CDH18: variants seen among roughly 807,000 people sequenced by gnomAD.
The protein encoded by CDH18 is cadherin 18.
A neutral mutation model predicts 67.9 loss-of-function variants in CDH18; 31 were observed. The observed-to-expected ratio is 0.46, with a 90% confidence interval of 0.34 to 0.62. The LOEUF (loss-of-function observed/expected upper bound fraction) is 0.62, where lower values mean the gene tolerates loss of function less well. Among genes scored for constraint, CDH18 ranks in the 20% least tolerant of loss-of-function variants. The pLI is 0.01. For synonymous variants in CDH18, 362 were observed against 347.2 expected (o/e 1.04, Z -0.48); for missense variants, 890 against 975.5 (o/e 0.91, Z 1.17).
At chr5:19,919,274 CTTA>C (rs1792175679) in intron 2 of CDH18, among the ~76,000 whole-genome samples, 1 of 151,170 alleles carries the variant, frequency 6.6e-6, no homozygotes, top group Non-Finnish European at 1.5e-5. Flanking sequence ...TATTATAATC[CTTA>C]TTATATGTAT....
At chr5:19,907,960 T>C (rs1790703473) in intron 2 of CDH18, among the ~76,000 whole-genome samples, 2 of 152,042 alleles carry the variant, frequency 1.3e-5, no homozygotes. Context: ...TTAAAATCCT[T>C]AAATGGGGAT....
intron 1 of CDH18, among the ~76,000 whole-genome samples, chr5:20,463,303 A>G (rs890681015): frequency 1.4e-5 from 2 of 140,724 alleles, no homozygotes; most frequent in African/African-American, 5.3e-5. Flanking sequence ...GTAAAACAAG[A>G]AAAAAAAAAA....
At chr5:20,457,800 G>C (rs1199207022) in intron 1 of CDH18, among the ~76,000 whole-genome samples, 1 of 152,154 alleles carries the variant, frequency 6.6e-6, no homozygotes, top group East Asian at 1.9e-4. Flanking sequence ...AAAAAAACTG[G>C]AGGGGGAAGC....
chr5:20,531,655 G>A (rs1440274588), intron 1 of CDH18, among the ~76,000 whole-genome samples: 2 of 151,312 alleles, frequency 1.3e-5, no homozygotes, highest in South Asian at 2.1e-4. Flanking sequence ...ACCAAACACA[G>A]CATGTTCTCA....
At chr5:19,587,088 C>CA (rs1744279480) in intron 7 of CDH18, among the ~76,000 whole-genome samples, 1 of 151,584 alleles carries the variant, frequency 6.6e-6, no homozygotes, top group South Asian at 2.1e-4. Context: ...ATTTAAGATA[C>CA]TTATAGATGC....
chr5:20,111,378 C>A (rs935895663), intron 2 of CDH18, among the ~76,000 whole-genome samples: 1 of 151,970 alleles, frequency 6.6e-6, no homozygotes. Flanking sequence ...AGATGTTTAC[C>A]AGTCTAGTTT....
intron 5 of CDH18, among the ~76,000 whole-genome samples, chr5:19,668,998 TACTTCA>T (rs1758344010): frequency 1.3e-5 from 2 of 151,006 alleles, no homozygotes; most frequent in Non-Finnish European, 3.0e-5. Flanking sequence ...CTTTCCATGA[TACTTCA>T]ACTTCAACAC....
chr5:20,265,665 TA>T (rs987959318), intron 1 of CDH18, among the ~76,000 whole-genome samples: 3 of 152,126 alleles, frequency 2.0e-5, no homozygotes, highest in African/African-American at 4.8e-5. Flanking sequence ...AAAATTAAAA[TA>T]AAAAATATAA....
intron 1 of CDH18, among the ~76,000 whole-genome samples, chr5:20,360,489 C>T (rs1742004355): frequency 1.3e-5 from 2 of 152,136 alleles, no homozygotes; most frequent in Admixed American, 1.3e-4. Flanking sequence ...TTCCTACTTA[C>T]AATTTGGTTG....
chr5:20,160,567 T>C (rs1466341323), intron 2 of CDH18, among the ~76,000 whole-genome samples: 1 of 152,250 alleles, frequency 6.6e-6, no homozygotes, highest in Non-Finnish European at 1.5e-5. Flanking sequence ...CTTTTTTTAA[T>C]ACTCTTCACT....
intron 2 of CDH18, among the ~76,000 whole-genome samples, chr5:19,998,077 A>G (rs537362723): frequency 2.4e-4 from 37 of 152,306 alleles, no homozygotes; most frequent in Non-Finnish European, 4.7e-4. Flanking sequence ...GCCTTGGACT[A>G]CATTAAATTG....
At chr5:19,920,895 A>G (rs113823577) in intron 2 of CDH18, among the ~76,000 whole-genome samples, 3 of 148,782 alleles carry the variant, frequency 2.0e-5, no homozygotes, top group Admixed American at 6.7e-5. Context: ...CCACAAGAGC[A>G]CACACACACA....
chr5:19,815,564 T>TA (rs58457874), intron 3 of CDH18, among the ~76,000 whole-genome samples: 6 of 151,266 alleles, frequency 4.0e-5, no homozygotes, highest in East Asian at 1.9e-4. Context: ...ATCTTCATAT[T>TA]AAAAAAAAAT....
At chr5:19,648,644 A>G (rs1418619891) in intron 5 of CDH18, among the ~76,000 whole-genome samples, 1 of 152,032 alleles carries the variant, frequency 6.6e-6, no homozygotes, top group African/African-American at 2.4e-5. Context: ...TTTGTACATG[A>G]AATCTCTTTG....
chr5:19,536,448 C>T (rs577395817), intron 9 of CDH18, among the ~76,000 whole-genome samples: 3 of 152,274 alleles, frequency 2.0e-5, no homozygotes, highest in East Asian at 3.9e-4. Context: ...GCGTAATACA[C>T]ATTTTTCAGA....
At chr5:20,085,110 T>C (rs756797419) in intron 2 of CDH18, among the ~76,000 whole-genome samples, 3 of 152,176 alleles carry the variant, frequency 2.0e-5, no homozygotes, top group Non-Finnish European at 4.4e-5. Flanking sequence ...GCTTCCCTTA[T>C]AAAACTGAAT....
intron 1 of CDH18, among the ~76,000 whole-genome samples, chr5:20,279,994 A>G (rs954064486): frequency 6.6e-6 from 1 of 152,070 alleles, no homozygotes; most frequent in Non-Finnish European, 1.5e-5. Context: ...TAAAAAATTC[A>G]AAAACATTGA....
chr5:20,118,783 C>T (rs1478900102), intron 2 of CDH18, among the ~76,000 whole-genome samples: 1 of 152,128 alleles, frequency 6.6e-6, no homozygotes, highest in Non-Finnish European at 1.5e-5. Context: ...ACACCTAGAG[C>T]AAATGTCTGT....
At chr5:20,375,020 T>C (rs990111356) in intron 1 of CDH18, among the ~76,000 whole-genome samples, 1 of 152,154 alleles carries the variant, frequency 6.6e-6, no homozygotes, top group Admixed American at 6.5e-5. Context: ...TTAAATATTG[T>C]TTAGTTACAT....
Sources: gnomAD v4.1 joint callset for allele counts (sites outside exome capture counted in the v4.1 genomes callset) on GRCh38, gnomAD v4.1.1 for gene constraint, MANE v1.5 for transcripts, NCBI Gene and HGNC (gene_info 2026-07-23, HGNC 2026-07-21) for gene names.